TMEM74: variants seen among roughly 807,000 people sequenced by gnomAD.
TMEM74 encodes transmembrane protein 74.
In TMEM74, 13 loss-of-function variants were observed where a neutral mutation model predicts 18.1. That is an observed-to-expected ratio of 0.72 (90% confidence interval 0.47 to 1.14). The LOEUF (loss-of-function observed/expected upper bound fraction) is 1.14. Ranked by LOEUF, TMEM74 falls within the 50% of genes most tolerant of loss-of-function variation. The pLI, the probability that TMEM74 is intolerant of heterozygous loss-of-function variation, is 0.00. For synonymous variants in TMEM74, 159 were observed against 146.6 expected (o/e 1.08, Z -0.61); for missense variants, 372 against 375.9 (o/e 0.99, Z 0.09).
intron 2 of TMEM74, among the ~76,000 whole-genome samples, chr8:108,615,819 CTTTTTTT>C (rs71564011): frequency 7.9e-5 from 6 of 76,420 alleles, no homozygotes; most frequent in East Asian, 4.7e-4. Context: ...TGCATGGGAG[CTTTTTTT>C]TTTTTTTTTT....
chr8:108,687,259 C>G (rs998668509), intron 1 of TMEM74, among the ~76,000 whole-genome samples: 8 of 151,908 alleles, frequency 5.3e-5, no homozygotes, highest in African/African-American at 1.9e-4. Flanking sequence ...ACCTATAAAA[C>G]CCAAAAGCCA....
chr8:108,773,294 T>C (rs1189517306), intron 1 of TMEM74, among the ~76,000 whole-genome samples: 1 of 151,818 alleles, frequency 6.6e-6, no homozygotes, highest in Admixed American at 6.6e-5. Context: ...TTTTTAAAGA[T>C]CAAATTCAAC....
At chr8:108,623,188 C>A (rs930173597) in intron 2 of TMEM74, among the ~76,000 whole-genome samples, 1 of 152,194 alleles carries the variant, frequency 6.6e-6, no homozygotes, top group East Asian at 1.9e-4. Flanking sequence ...TATGTCAAGG[C>A]CCTGTGAGGA....
chr8:108,686,731 T>C (rs1813174186), intron 1 of TMEM74, among the ~76,000 whole-genome samples: 1 of 152,060 alleles, frequency 6.6e-6, no homozygotes, highest in African/African-American at 2.4e-5. Flanking sequence ...ACTCATCCTC[T>C]TATACAACAT....
At chr8:108,757,615 GT>G (rs774757303) in intron 1 of TMEM74, among the ~76,000 whole-genome samples, 15 of 151,554 alleles carry the variant, frequency 9.9e-5, no homozygotes, top group East Asian at 1.9e-4. Flanking sequence ...TCTCTTCTGT[GT>G]TTTTTTTAAA....
chr8:108,767,082 T>G (rs1314909658), intron 1 of TMEM74, among the ~76,000 whole-genome samples: 1 of 152,162 alleles, frequency 6.6e-6, no homozygotes, highest in Admixed American at 6.5e-5. Context: ...GGCAACACCC[T>G]CACAGACGCA....
At chr8:108,701,555 A>G (rs1221794729) in intron 1 of TMEM74, among the ~76,000 whole-genome samples, 1 of 152,242 alleles carries the variant, frequency 6.6e-6, no homozygotes, top group East Asian at 1.9e-4. Flanking sequence ...ATTGTAGTAT[A>G]CAAGAATAAC....
chr8:108,728,328 A>G (rs1485211180), intron 1 of TMEM74, among the ~76,000 whole-genome samples: 1 of 152,188 alleles, frequency 6.6e-6, no homozygotes, highest in Non-Finnish European at 1.5e-5. Context: ...TATGAGAACA[A>G]GTGAGGCTAT....
At chr8:108,714,233 TA>T (rs1350302963) in intron 1 of TMEM74, among the ~76,000 whole-genome samples, 1 of 152,122 alleles carries the variant, frequency 6.6e-6, no homozygotes, top group Non-Finnish European at 1.5e-5. Context: ...TAATCTGGTC[TA>T]AAAGAGAAAT....
At chr8:108,756,584 G>T in intron 1 of TMEM74, among the ~76,000 whole-genome samples, 1 of 108,848 alleles carries the variant, frequency 9.2e-6, no homozygotes, top group South Asian at 3.0e-4. Flanking sequence ...AAGAAAGAAA[G>T]AAAGAAAGAA....
At chr8:108,617,725 A>G (rs1812399322) in intron 2 of TMEM74, among the ~76,000 whole-genome samples, 1 of 152,104 alleles carries the variant, frequency 6.6e-6, no homozygotes, top group African/African-American at 2.4e-5. Flanking sequence ...TGTGGGGGAG[A>G]GAAAGTGGGG....
intron 2 of TMEM74, among the ~76,000 whole-genome samples, chr8:108,609,661 C>T (rs1397649865): frequency 6.6e-6 from 1 of 152,056 alleles, no homozygotes; most frequent in Non-Finnish European, 1.5e-5. Context: ...GAAGCTTGGA[C>T]ATGATAGATG....
intron 2 of TMEM74, among the ~76,000 whole-genome samples, chr8:108,610,228 G>A (rs1054561378): frequency 6.6e-6 from 1 of 152,138 alleles, no homozygotes; most frequent in African/African-American, 2.4e-5. Context: ...AATTAATATT[G>A]AGAAGGACTG....
At chr8:108,763,997 T>C (rs1814074044) in intron 1 of TMEM74, among the ~76,000 whole-genome samples, 1 of 152,186 alleles carries the variant, frequency 6.6e-6, no homozygotes, top group Admixed American at 6.6e-5. Flanking sequence ...CATGGATTTT[T>C]ACCTCCTTTT....
intron 1 of TMEM74, among the ~76,000 whole-genome samples, chr8:108,682,366 G>A (rs1033685934): frequency 2.6e-5 from 4 of 151,984 alleles, no homozygotes; most frequent in Non-Finnish European, 5.9e-5. Context: ...GAGATTTTCT[G>A]TGATTTCTTC....
At chr8:108,752,099 C>T (rs1391194) in intron 1 of TMEM74, among the ~76,000 whole-genome samples, 53,301 of 151,844 alleles carry the variant, frequency 0.35, 9,526 homozygotes, top group East Asian at 0.4. Flanking sequence ...TATGAAAACA[C>T]AGCTAGCCCA....
intron 1 of TMEM74, among the ~76,000 whole-genome samples, chr8:108,683,334 G>A (rs1293505616): frequency 6.6e-6 from 1 of 151,448 alleles, no homozygotes; most frequent in Non-Finnish European, 1.5e-5. Flanking sequence ...AAAAATAAGA[G>A]GAAACTATAG....
intron 1 of TMEM74, among the ~76,000 whole-genome samples, chr8:108,723,603 G>A (rs936483035): frequency 1.3e-5 from 2 of 152,240 alleles, no homozygotes; most frequent in Non-Finnish European, 2.9e-5. Context: ...GGCTTTCACG[G>A]AAACAAGTCC....
intron 1 of TMEM74, among the ~76,000 whole-genome samples, chr8:108,728,852 A>G (rs1203117453): frequency 6.6e-6 from 1 of 152,198 alleles, no homozygotes; most frequent in East Asian, 1.9e-4. Flanking sequence ...TTAAGAAGCC[A>G]TGTGTTTTTC....
Sources: allele counts gnomAD v4.1 joint callset (sites outside exome capture counted in the v4.1 genomes callset), GRCh38; gene constraint gnomAD v4.1.1; transcripts MANE v1.5; gene names NCBI Gene and HGNC (gene_info 2026-07-23, HGNC 2026-07-21).